Variants in GPHN observed in about 807,000 individuals in gnomAD.
GPHN encodes the protein gephyrin.
In GPHN, 17 loss-of-function variants were observed where a neutral mutation model predicts 95.5. That is an observed-to-expected ratio of 0.18 (90% CI 0.12 to 0.27). The LOEUF is 0.27. Ranked by LOEUF, GPHN falls within the 10% of genes least tolerant of loss-of-function variation. The pLI, the probability that GPHN is intolerant of heterozygous loss-of-function variation, is 1.00. For missense variants in GPHN, 660 were observed against 978.1 expected (o/e 0.67, Z 4.34); for synonymous variants, 320 against 322.5 (o/e 0.99, Z 0.08).
At chr14:66,992,960 TA>T (rs1436937871) in intron 9 of GPHN, among the ~76,000 whole-genome samples, 4 of 152,322 alleles carry the variant, frequency 2.6e-5, no homozygotes, top group South Asian at 4.1e-4. Flanking sequence ...TCATACAGTC[TA>T]AAATATTTAC....
chr14:67,284,284 C>T, the GPHN span, among the ~76,000 whole-genome samples: 4 of 151,558 alleles, frequency 2.6e-5, no homozygotes, highest in Non-Finnish European at 4.4e-5. Flanking sequence ...CTGTAGAATT[C>T]ATTAGTTTTT....
the GPHN span, among the ~76,000 whole-genome samples, chr14:67,599,693 A>T: frequency 6.6e-6 from 1 of 152,182 alleles, no homozygotes; most frequent in African/African-American, 2.4e-5. Flanking sequence ...TCTTGGAATT[A>T]AATTACTGCG....
chr14:67,193,222 A>G, the GPHN span, among the ~76,000 whole-genome samples: 3 of 138,808 alleles, frequency 2.2e-5, no homozygotes, highest in Non-Finnish European at 4.7e-5. Context: ...ACATCTATCT[A>G]TATATCTCTA....
intron 1 of GPHN, among the ~76,000 whole-genome samples, chr14:66,649,523 T>A (rs144815372): frequency 1.4e-4 from 22 of 152,236 alleles, no homozygotes; most frequent in African/African-American, 5.3e-4. Flanking sequence ...TTCTGTTAGA[T>A]CAGAGGCAGC....
intron 4 of GPHN, among the ~76,000 whole-genome samples, chr14:66,868,137 G>A (rs1384211094): frequency 6.6e-6 from 1 of 152,068 alleles, no homozygotes; most frequent in Non-Finnish European, 1.5e-5. Flanking sequence ...TCATTAGCTG[G>A]TATTTCAAAG....
chr14:67,280,978 A>G, the GPHN span, among the ~76,000 whole-genome samples: 2 of 149,540 alleles, frequency 1.3e-5, no homozygotes, highest in Non-Finnish European at 3.0e-5. Context: ...GCTCACAGCA[A>G]TCTCCGCCTT....
chr14:67,558,877 G>GC, the GPHN span, among the ~76,000 whole-genome samples: 3 of 152,222 alleles, frequency 2.0e-5, no homozygotes, highest in Non-Finnish European at 4.4e-5. Context: ...CATGGAAGCA[G>GC]CCACAGATAA....
At chr14:67,370,434 T>C in the GPHN span, among the ~76,000 whole-genome samples, 1 of 152,178 alleles carries the variant, frequency 6.6e-6, no homozygotes, top group Non-Finnish European at 1.5e-5. Flanking sequence ...TTGTTTTTTG[T>C]TTTTTTAAAA....
Position 66,724,866 on chromosome 14 carries a change from G to A in GPHN, c.143+43681G>A, listed in dbSNP as rs139227601. 4.6e-3 allele frequency among the ~76,000 whole-genome samples: 701 copies of A among 152,242 alleles called. 5 individuals are homozygous for A. Among genetic ancestry groups the A allele is most frequent in the Middle Eastern group, 0.014 (4 of 292 alleles). On this transcript the variant is annotated intron_variant, in intron 2 of 22. Coordinates refer to ENST00000478722, the MANE Select transcript of GPHN (RefSeq NM_020806.5). ...AAAATTGTATTTGAATACCCTGAAC[G>A]TAGAGAAAAAGCTGGGCCCAGAACT... is the stretch of plus-strand genomic sequence containing the variant.
At chr14:67,323,767 A>G in the GPHN span, 1 of 1,605,458 alleles carries the variant, frequency 6.2e-7, no homozygotes, top group African/African-American at 1.3e-5. Context: ...CCCCTTCACA[A>G]GAAAGACTTC....
chr14:66,607,286 T>C (rs1290066382), intron 1 of GPHN, among the ~76,000 whole-genome samples: 1 of 152,176 alleles, frequency 6.6e-6, no homozygotes, highest in African/African-American at 2.4e-5. Flanking sequence ...TTGATGTGCA[T>C]ATGTTGAACC....
the GPHN span, among the ~76,000 whole-genome samples, chr14:67,213,130 T>C: frequency 3.3e-5 from 5 of 151,194 alleles, no homozygotes; most frequent in African/African-American, 1.2e-4. Context: ...ATAGCTGTTC[T>C]GCATGTAGAA....
intron 10 of GPHN, among the ~76,000 whole-genome samples, chr14:67,038,162 A>T (rs2074522536): frequency 6.6e-6 from 1 of 152,144 alleles, no homozygotes; most frequent in Non-Finnish European, 1.5e-5. Context: ...TACAACATGG[A>T]TGAACCTTCA....
the GPHN span, among the ~76,000 whole-genome samples, chr14:67,450,186 C>T: frequency 2.0e-5 from 3 of 151,846 alleles, no homozygotes; most frequent in South Asian, 2.1e-4. Context: ...GATTGTGAGG[C>T]GTTCCCAGCC....
At chr14:66,708,796 T>C (rs2069341178) in intron 2 of GPHN, among the ~76,000 whole-genome samples, 1 of 152,112 alleles carries the variant, frequency 6.6e-6, no homozygotes, top group Admixed American at 6.6e-5. Flanking sequence ...GACTGTAGAT[T>C]ATATGGTTGC....
chr14:67,598,990 G>C, the GPHN span, among the ~76,000 whole-genome samples: 1 of 152,146 alleles, frequency 6.6e-6, no homozygotes, highest in Non-Finnish European at 1.5e-5. Flanking sequence ...GATTACAGGC[G>C]TGAGGTACAG....
At chr14:66,620,816 A>G (rs140345570) in intron 1 of GPHN, among the ~76,000 whole-genome samples, 1,844 of 152,320 alleles carry the variant, frequency 0.012, 22 homozygotes, top group Non-Finnish European at 0.018. Flanking sequence ...CCTTCTGCCT[A>G]TAAGCCTGTA....
In GPHN at chr14:66,774,259, C is replaced by T. The variant is rs368721896; in HGVS notation, c.144-2205C>T. 8.5e-4 allele frequency among the ~76,000 whole-genome samples: 130 copies of T among 152,104 alleles called. 4 individuals carry two copies. The South Asian group carries it at 0.027, about 31-fold the overall frequency. On this transcript the variant is annotated intron_variant, in intron 2 of 22. Coordinates refer to ENST00000478722, the MANE Select transcript of GPHN (RefSeq NM_020806.5). ...CCTCGTGATCCGCCCGCCTCGGGCT[C>T]CCAAAGTGCTGGGATTACAGGCATG... is the stretch of plus-strand genomic sequence containing the variant.
At chr14:67,208,228 TG>T in the GPHN span, 1 of 1,613,824 alleles carries the variant, frequency 6.2e-7, no homozygotes, top group Non-Finnish European at 8.5e-7. Flanking sequence ...TTCTGAAGCC[TG>T]GGTGTTTACA....
Sources: gnomAD v4.1 joint callset for allele counts (sites outside exome capture counted in the v4.1 genomes callset) on GRCh38, gnomAD v4.1.1 for gene constraint, MANE v1.5 for transcripts, NCBI Gene and HGNC (gene_info 2026-07-23, HGNC 2026-07-21) for gene names.